COL4A1: variants seen among roughly 807,000 people sequenced by gnomAD.
COL4A1 encodes collagen alpha-1(IV) chain.
In COL4A1, 40 loss-of-function variants were observed where a neutral mutation model predicts 216.6. The observed-to-expected ratio is 0.18, with a 90% CI of 0.14 to 0.24. The LOEUF (loss-of-function observed/expected upper bound fraction) is 0.24, where lower values mean the gene tolerates loss of function less well. Among genes scored for constraint, COL4A1 ranks in the 10% least tolerant of loss-of-function variants. COL4A1 has a pLI of 1.00. For synonymous variants in COL4A1, 839 were observed against 810.7 expected (o/e 1.03, Z -0.59); for missense variants, 1,628 against 2,196.8 (o/e 0.74, Z 5.18).
Position 110,157,603 on chromosome 13 carries a change from C to T in COL4A1, c.4641-2206G>A, listed in dbSNP as rs1475182439. Among the ~76,000 whole-genome samples, 5 of 152,312 alleles carry T rather than the reference C, an allele frequency of 3.3e-5. No individual in the cohort carries two copies. The South Asian group carries it at 1.0e-3, about 32-fold the overall frequency. On this transcript the variant is annotated intron_variant, in intron 49 of 51. Coordinates refer to ENST00000375820, the MANE Select transcript of COL4A1 (RefSeq NM_001845.6). ...TTCAAGTACATGCCTGGGAAGGTCC[C>T]TTCATGCTGAGCTTCGATGTGTCAA...
chr13:110,269,081 A>G (rs1460953371), intron 1 of COL4A1, among the ~76,000 whole-genome samples: 5 of 152,228 alleles, frequency 3.3e-5, no homozygotes, highest in Non-Finnish European at 7.3e-5. Flanking sequence ...TATTGACAGC[A>G]TGCTCTACTA....
At chr13:110,170,258 G>A (rs1321523254) in intron 42 of COL4A1, among the ~76,000 whole-genome samples, 2 of 152,226 alleles carry the variant, frequency 1.3e-5, no homozygotes, top group Non-Finnish European at 2.9e-5. Context: ...CCACAAGTGG[G>A]CCCAAGTGCT....
chr13:110,248,238 A>AGACT (rs565171495), intron 1 of COL4A1, among the ~76,000 whole-genome samples: 197 of 152,334 alleles, frequency 1.3e-3, no homozygotes, highest in African/African-American at 4.3e-3. Context: ...TGGAGGCAAG[A>AGACT]GACTGTATCT....
At chr13:110,261,080 T>C (rs1363091122) in intron 1 of COL4A1, among the ~76,000 whole-genome samples, 1 of 149,046 alleles carries the variant, frequency 6.7e-6, no homozygotes. Context: ...TTTTCTGTTA[T>C]GTGTATTTTA....
intron 9 of COL4A1, 42 bp downstream of exon 9, chr13:110,210,087 G>C: frequency 1.2e-6 from 2 of 1,613,636 alleles, no homozygotes; most frequent in Non-Finnish European, 1.7e-6. Context: ...GAACTGGGAG[G>C]GTGAGGTGGC....
chr13:110,252,532 G>A (rs1352493686), intron 1 of COL4A1, among the ~76,000 whole-genome samples: 2 of 3,812 alleles, frequency 5.2e-4, no homozygotes, highest in Non-Finnish European at 7.6e-3. Flanking sequence ...ATAATTATAC[G>A]TATATATGTA....
At chr13:110,198,031 T>A (rs779123030) in intron 21 of COL4A1, among the ~76,000 whole-genome samples, 7 of 152,028 alleles carry the variant, frequency 4.6e-5, no homozygotes, top group Non-Finnish European at 7.4e-5. Flanking sequence ...TTCTGGACTT[T>A]ACTAATGTAA....
intron 43 of COL4A1, among the ~76,000 whole-genome samples, chr13:110,169,136 C>T (rs1484784333): frequency 6.6e-6 from 1 of 151,840 alleles, no homozygotes; most frequent in Non-Finnish European, 1.5e-5. Context: ...ACCACTTAGA[C>T]TCTGTATCTG....
chr13:110,288,276 AT>A (rs1418748741), intron 1 of COL4A1, among the ~76,000 whole-genome samples: 2,037 of 142,010 alleles, frequency 0.014, 46 homozygotes, highest in African/African-American at 0.05. Context: ...AAAAAAAAAA[AT>A]AATAATAATA....
chr13:110,189,755 G>T (rs3783107), intron 24 of COL4A1, among the ~76,000 whole-genome samples: 1 of 151,910 alleles, frequency 6.6e-6, no homozygotes, highest in African/African-American at 2.4e-5. Context: ...TCCTCTATGC[G>T]GCCTTTCTTG....
chr13:110,290,375 A>T (rs1355370728), intron 1 of COL4A1, among the ~76,000 whole-genome samples: 5 of 152,224 alleles, frequency 3.3e-5, no homozygotes, highest in African/African-American at 7.2e-5. Context: ...TGCACTGTTT[A>T]AATTTTATGT....
intron 29 of COL4A1, among the ~76,000 whole-genome samples, chr13:110,180,401 C>T (rs1015801120): frequency 6.6e-6 from 1 of 152,226 alleles, no homozygotes; most frequent in African/African-American, 2.4e-5. Flanking sequence ...GGGCACCCTG[C>T]TGTCAGGTAT....
chr13:110,247,078 G>A (rs1377003603), intron 1 of COL4A1, among the ~76,000 whole-genome samples: 1 of 152,134 alleles, frequency 6.6e-6, no homozygotes, highest in Non-Finnish European at 1.5e-5. Flanking sequence ...AGCTCTTGGG[G>A]TTGGGGGTGA....
Position 110,179,328 on chromosome 13 carries a change from G to A in COL4A1, c.2287C>T (p.Pro763Ser). 1.9e-6 allele frequency: 3 copies of A among 1,614,082 alleles called. No individual in the cohort carries two copies. The highest frequency in any genetic ancestry group is 2.5e-6 in the Non-Finnish European group (3 of 1,180,026). ...GCTCCATGTTCTCCAGGAACGCCTG[G>A]TACCCCAATGCTCCCCTTCTCCCCG... ...TPGEKGSIGV[P>S]GVPGEHGAIG... The change falls in exon 30 of 52, where the codon CCA becomes TCA. Residue 763 changes from proline (P) to serine (S), a missense_variant. Pro to Ser is a moderately conservative substitution (Grantham distance 74). Coordinates refer to ENST00000375820, the MANE Select transcript of COL4A1 (RefSeq NM_001845.6).
chr13:110,274,085 T>A (rs531567903), intron 1 of COL4A1, among the ~76,000 whole-genome samples: 1 of 152,156 alleles, frequency 6.6e-6, no homozygotes, highest in African/African-American at 2.4e-5. Flanking sequence ...TAAATGCCTA[T>A]AAAAGATAAA....
At chr13:110,162,635 T>C (rs1877138373) in intron 47 of COL4A1, among the ~76,000 whole-genome samples, 193 bp from the exon 48 acceptor site, 1 of 152,126 alleles carries the variant, frequency 6.6e-6, no homozygotes, top group South Asian at 2.1e-4. Flanking sequence ...TCATGGTGTC[T>C]TAACTTTTTC....
chr13:110,231,667 A>T (rs1286972029), intron 2 of COL4A1, among the ~76,000 whole-genome samples: 1 of 152,216 alleles, frequency 6.6e-6, no homozygotes. Context: ...GCCCACGGGT[A>T]CAGCAGGAGC....
intron 2 of COL4A1, among the ~76,000 whole-genome samples, chr13:110,220,380 G>A (rs900061514): frequency 6.6e-6 from 1 of 152,180 alleles, no homozygotes; most frequent in African/African-American, 2.4e-5. Flanking sequence ...CACAAAGCCT[G>A]TTTTATAATA....
chr13:110,205,452 G>A, intron 16 of COL4A1, 42 bp downstream of exon 16: 1 of 1,610,812 alleles, frequency 6.2e-7, no homozygotes, highest in Admixed American at 1.7e-5. Flanking sequence ...CCAGTGGTAG[G>A]AACAGTGAGC....
Sources: allele counts gnomAD v4.1 joint callset (sites outside exome capture counted in the v4.1 genomes callset), GRCh38; gene constraint gnomAD v4.1.1; transcripts MANE v1.5; gene names NCBI Gene and HGNC (gene_info 2026-07-23, HGNC 2026-07-21).